The following CDS1 variants were observed in gnomAD, a reference collection of about 807,000 sequenced individuals.
CDS1 encodes the protein phosphatidate cytidylyltransferase 1.
Under a neutral mutation model 62.1 loss-of-function variants are expected in CDS1, and 41 were observed. The ratio of observed to expected loss-of-function variants is 0.66; its 90% CI spans 0.51 to 0.86. The LOEUF (loss-of-function observed/expected upper bound fraction) is 0.86, where lower values mean the gene tolerates loss of function less well. CDS1 is among the 40% of genes least tolerant of loss of function. CDS1 has a pLI of 0.00. For synonymous variants in CDS1, 185 were observed against 192.6 expected, an observed-to-expected ratio of 0.96 and a Z score of 0.32; for missense variants, 470 against 550.1, an observed-to-expected ratio of 0.85 and a Z score of 1.46.
Position 84,648,568 on chromosome 4 carries a change from C to T in CDS1, c.1268C>T (p.Pro423Leu). 3 of 1,612,982 alleles carry T rather than the reference C, an allele frequency of 1.9e-6. No homozygotes were observed. The highest frequency in any genetic ancestry group is 2.5e-6 in the Non-Finnish European group (3 of 1,179,548). ...YITSFIRGPN[P>L]SKVLQQLLVL... ...CCTTTTATCATTAGGGGCCCAAATC[C>T]CAGCAAAGTGCTACAGCAGTTGTTG... The change falls in exon 13 of 13, where the codon CCC (proline) becomes CTC (leucine). Residue 423 changes from proline to leucine, a missense_variant. By Grantham distance (98) the Pro-to-Leu change is moderately conservative (BLOSUM62 -3). This residue lies in a region of CDS1 where 68 missense variants were observed against 81.5 expected (regional missense o/e 0.83). Transcript: ENST00000295887.
chr4:84,589,901 C>T (rs569721279), intron 1 of CDS1, among the ~76,000 whole-genome samples: 1 of 152,314 alleles, frequency 6.6e-6, no homozygotes, highest in East Asian at 1.9e-4. Context: ...AGCTCTGCCT[C>T]CCGGGTTCAC....
chr4:84,594,274 C>T (rs919100958), intron 1 of CDS1, among the ~76,000 whole-genome samples: 1 of 152,088 alleles, frequency 6.6e-6, no homozygotes, highest in Non-Finnish European at 1.5e-5. Flanking sequence ...TGAACGGAAC[C>T]TATTCAGCTT....
chr4:84,637,168 G>A (rs1724237853), intron 8 of CDS1, among the ~76,000 whole-genome samples: 1 of 152,180 alleles, frequency 6.6e-6, no homozygotes, highest in African/African-American at 2.4e-5. Flanking sequence ...AAGGATACTG[G>A]TAAGCAAGCT....
intron 5 of CDS1, among the ~76,000 whole-genome samples, chr4:84,626,066 C>T (rs1490038821): frequency 6.6e-6 from 1 of 152,014 alleles, no homozygotes; most frequent in East Asian, 1.9e-4. Context: ...ACTCGGGAGG[C>T]TGACGCAGGG....
chr4:84,589,381 ACTT>A (rs1490248383), intron 1 of CDS1, among the ~76,000 whole-genome samples: 1 of 152,150 alleles, frequency 6.6e-6, no homozygotes, highest in African/African-American at 2.4e-5. Flanking sequence ...TTTGTAAATT[ACTT>A]CTTCATTTTG....
intron 11 of CDS1, among the ~76,000 whole-genome samples, chr4:84,643,839 A>G (rs1404207270): frequency 1.3e-5 from 2 of 152,164 alleles, no homozygotes; most frequent in Admixed American, 6.5e-5. Flanking sequence ...TATCTCAGCA[A>G]TTTCATCTCA....
chr4:84,638,870 T>TAG, intron 8 of CDS1, 54 bp from the exon 9 acceptor site: 1 of 517,626 alleles, frequency 1.9e-6, no homozygotes, highest in Non-Finnish European at 3.4e-6. Flanking sequence ...TATATATATA[T>TAG]TGTGAGTTTT....
intron 3 of CDS1, among the ~76,000 whole-genome samples, chr4:84,613,871 AGTTTACTTTTAAATAGTGT>A (rs1194544859): frequency 1.1e-4 from 17 of 152,252 alleles, no homozygotes; most frequent in Admixed American, 2.6e-4. Flanking sequence ...CGTGCTATGT[AGTTTACTTTTAAATAGTGT>A]GTTTACTTTT....
rs1210274285 is a variant in CDS1, at chr4:84,651,307, CAG to C, written c.*2622_*2623del. ...TCTGAATCTTTTACTGAAACTGAGA[CAG>C]GAAAATAAAACTGAAACAAATCATA... On this transcript the variant is annotated 3_prime_UTR_variant, in exon 13 of 13. Transcript: ENST00000295887. 6.6e-6 allele frequency: 1 copy of C among 151,952 alleles called. No homozygotes were observed. Among genetic ancestry groups the C allele is most frequent in the Non-Finnish European group, 1.5e-5 (1 of 68,024 alleles). The allele number at this position is 151,952 out of a possible 1,614,324, so 9.4% of individuals were successfully genotyped here.
chr4:84,609,340 G>T, intron 2 of CDS1, 89 bp from the exon 3 acceptor site: 1 of 806,610 alleles, frequency 1.2e-6, no homozygotes, highest in Non-Finnish European at 2.1e-6. Context: ...TATAGTTAAG[G>T]AAAATTCATA....
chr4:84,619,044 TACACACACACACAC>T (rs33991933), intron 4 of CDS1, among the ~76,000 whole-genome samples: 5,162 of 140,980 alleles, frequency 0.037, 96 homozygotes, highest in South Asian at 0.058. Context: ...ATTAAATTTA[TACACACACACACAC>T]ACACACACAC....
chr4:84,633,192 A>G (rs1325086399), intron 6 of CDS1, among the ~76,000 whole-genome samples: 3 of 152,206 alleles, frequency 2.0e-5, no homozygotes, highest in South Asian at 2.1e-4. Flanking sequence ...ATGAATTTCA[A>G]TCAAAATCAT....
At chr4:84,648,031 G>A (rs1471102452) in intron 12 of CDS1, among the ~76,000 whole-genome samples, 7 of 152,120 alleles carry the variant, frequency 4.6e-5, no homozygotes, top group Non-Finnish European at 8.8e-5. Context: ...TGTATCACTG[G>A]TAAGGGGCTT....
chr4:84,609,674 G>T (rs1290719651), intron 3 of CDS1, 149 bp downstream of exon 3: 2 of 604,038 alleles, frequency 3.3e-6, no homozygotes, highest in African/African-American at 1.9e-5. Context: ...TTTATTTCAT[G>T]ATATGATCTA....
chr4:84,591,111 G>A (rs1203386012), intron 1 of CDS1, among the ~76,000 whole-genome samples: 1 of 152,192 alleles, frequency 6.6e-6, no homozygotes, highest in Non-Finnish European at 1.5e-5. Context: ...ACAATTTAAT[G>A]TCCTCTGGAA....
At chr4:84,642,082 C>G (rs991295450) in intron 10 of CDS1, among the ~76,000 whole-genome samples, 8 of 152,180 alleles carry the variant, frequency 5.3e-5, no homozygotes, top group African/African-American at 1.4e-4. Context: ...AATCCCAACA[C>G]TTTGGGAGGC....
chr4:84,622,578 G>T (rs1186922417), intron 5 of CDS1, among the ~76,000 whole-genome samples: 1 of 152,148 alleles, frequency 6.6e-6, no homozygotes, highest in African/African-American at 2.4e-5. Flanking sequence ...GGGCGACAGA[G>T]CGAGACTCCA....
chr4:84,632,225 A>C (rs1724043061), intron 6 of CDS1, among the ~76,000 whole-genome samples: 1 of 152,148 alleles, frequency 6.6e-6, no homozygotes, highest in Non-Finnish European at 1.5e-5. Flanking sequence ...ATATTGTTCT[A>C]TGAAAGTAAC....
intron 5 of CDS1, among the ~76,000 whole-genome samples, chr4:84,622,403 A>G (rs1401912500): frequency 6.6e-6 from 1 of 151,916 alleles, no homozygotes; most frequent in African/African-American, 2.4e-5. Context: ...AGCCTGGCCA[A>G]CATGGCGAAA....
Sources: allele counts gnomAD v4.1 joint callset (sites outside exome capture counted in the v4.1 genomes callset), GRCh38; gene constraint gnomAD v4.1.1; regional missense constraint gnomAD v4.1.1; transcripts MANE v1.5; gene names NCBI Gene and HGNC (gene_info 2026-07-23, HGNC 2026-07-21).